UBE2D3: variants seen among roughly 807,000 people sequenced by gnomAD.
The protein encoded by UBE2D3 is ubiquitin-conjugating enzyme E2 D3.
A neutral mutation model predicts 22.8 loss-of-function variants in UBE2D3; 2 were observed. The ratio of observed to expected loss-of-function variants is 0.09; its 90% confidence interval spans 0.04 to 0.28. The LOEUF (loss-of-function observed/expected upper bound fraction) is 0.28. Among genes scored for constraint, UBE2D3 ranks in the 10% least tolerant of loss-of-function variants. UBE2D3 has a pLI of 1.00. For missense variants in UBE2D3, 27 were observed against 182.5 expected, an observed-to-expected ratio of 0.15 and a Z score of 4.91; for synonymous variants, 56 against 60.4, an observed-to-expected ratio of 0.93 and a Z score of 0.34.
At chr4:102,801,595 AAAAC>A (rs770757273) in intron 5 of UBE2D3, 36 bp from the exon 6 acceptor site, 14 of 1,492,560 alleles carry the variant, frequency 9.4e-6, no homozygotes, top group African/African-American at 7.1e-5. Context: ...TATTCAAATA[AAAAC>A]AAACATCTTT....
At chr4:102,854,944 C>G (rs999615139) in intron 1 of UBE2D3, among the ~76,000 whole-genome samples, 4 of 152,200 alleles carry the variant, frequency 2.6e-5, no homozygotes, top group African/African-American at 9.6e-5. Context: ...AAATCACCAG[C>G]AACAGATCAG....
intron 6 of UBE2D3, among the ~76,000 whole-genome samples, chr4:102,800,012 CTAGT>C (rs1725891181): frequency 6.6e-6 from 1 of 152,008 alleles, no homozygotes; most frequent in African/African-American, 2.4e-5. Context: ...CCCAAGAGTA[CTAGT>C]TAAATACAAT....
intron 1 of UBE2D3, among the ~76,000 whole-genome samples, chr4:102,868,204 C>G (rs1157390495): frequency 6.6e-6 from 1 of 151,228 alleles, no homozygotes; most frequent in African/African-American, 2.4e-5. Context: ...TCCCGAGTAG[C>G]TGGGACAGGC....
chr4:102,827,772 C>G, upstream of UBE2D3: 1 of 948,036 alleles, frequency 1.1e-6, no homozygotes. Flanking sequence ...ACCAGGAGGG[C>G]GGGGGAGGGA....
chr4:102,804,677 G>T (rs903335245), intron 4 of UBE2D3, among the ~76,000 whole-genome samples: 2 of 151,968 alleles, frequency 1.3e-5, no homozygotes, highest in Admixed American at 6.5e-5. Context: ...CACTAAAGTT[G>T]TTTTTGTTTT....
At chr4:102,828,743 A>G (rs184699260), upstream of UBE2D3, among the ~76,000 whole-genome samples, 25 of 152,304 alleles carry the variant, frequency 1.6e-4, no homozygotes, top group African/African-American at 6.0e-4. Flanking sequence ...GAAATATCCA[A>G]GTTGGGAGGT....
intron 4 of UBE2D3, among the ~76,000 whole-genome samples, chr4:102,806,171 A>T (rs1238735173): frequency 6.6e-6 from 1 of 152,190 alleles, no homozygotes; most frequent in Non-Finnish European, 1.5e-5. Context: ...ACGGTGCTTT[A>T]TGATCTGGGT....
chr4:102,804,923 G>C (rs924800670), intron 4 of UBE2D3, among the ~76,000 whole-genome samples: 6 of 152,142 alleles, frequency 3.9e-5, no homozygotes, highest in African/African-American at 1.4e-4. Flanking sequence ...GAGTTCCAGT[G>C]ATCCACCCAC....
At chr4:102,817,494 T>C (rs952666503) in intron 2 of UBE2D3, among the ~76,000 whole-genome samples, 3 of 152,172 alleles carry the variant, frequency 2.0e-5, no homozygotes, top group African/African-American at 4.8e-5. Context: ...AGCTTTAGGA[T>C]AGGTGAACTA....
At chr4:102,825,013 G>T (rs188774692) in intron 2 of UBE2D3, among the ~76,000 whole-genome samples, 2 of 152,248 alleles carry the variant, frequency 1.3e-5, no homozygotes, top group Non-Finnish European at 2.9e-5. Flanking sequence ...ACGATGTTAT[G>T]AAGGCCCAAA....
At chr4:102,820,456 C>G (rs557549347) in intron 2 of UBE2D3, among the ~76,000 whole-genome samples, 1 of 152,278 alleles carries the variant, frequency 6.6e-6, no homozygotes, top group East Asian at 1.9e-4. Context: ...GTAGGCACTG[C>G]ACAGTATCTC....
intron 2 of UBE2D3, chr4:102,819,571 A>T (rs1578255531): frequency 2.0e-6 from 2 of 985,232 alleles, no homozygotes; most frequent in East Asian, 2.3e-4. Flanking sequence ...TTAAGTGTCA[A>T]CCCTATTAAA....
At chr4:102,844,791 T>C (rs189248434) in intron 1 of UBE2D3, among the ~76,000 whole-genome samples, 1,810 of 151,702 alleles carry the variant, frequency 0.012, 21 homozygotes, top group African/African-American at 0.036. Context: ...GAGGCCGAGG[T>C]GGGTGGATCA....
Position 102,859,588 on chromosome 4 carries a change from TCTG to T in UBE2D3, c.-129+9124_-129+9126del, listed in dbSNP as rs1330004848. On this transcript the variant is annotated intron_variant, in intron 1 of 7. Coordinates refer to the UBE2D3 transcript ENST00000338145. ...TTTCCTCCCCAGATTTGGGCAGTTT[TCTG>T]CTATTATTTCTTTAAATAAGCAATC... Among the ~76,000 whole-genome samples the T allele has an allele frequency of 9.2e-5, 14 of 152,130 alleles. No homozygotes were observed. In the East Asian group the frequency reaches 2.5e-3, roughly 27 times the overall value.
At chr4:102,816,361 G>A (rs1266009845) in intron 2 of UBE2D3, among the ~76,000 whole-genome samples, 3 of 152,200 alleles carry the variant, frequency 2.0e-5, no homozygotes, top group East Asian at 1.9e-4. Flanking sequence ...TGACAGGCAC[G>A]TGTCATGGAC....
At chr4:102,807,242 T>A (rs1310283663) in intron 4 of UBE2D3, among the ~76,000 whole-genome samples, 1 of 152,176 alleles carries the variant, frequency 6.6e-6, no homozygotes, top group African/African-American at 2.4e-5. Flanking sequence ...GCAACCATAC[T>A]CACAAAATAA....
At chr4:102,833,418 A>G (rs1731220449) in intron 1 of UBE2D3, among the ~76,000 whole-genome samples, 1 of 152,232 alleles carries the variant, frequency 6.6e-6, no homozygotes, top group Non-Finnish European at 1.5e-5. Flanking sequence ...ACAAGATCAT[A>G]AACCTAAATA....
chr4:102,807,257 C>T (rs1578232210), intron 4 of UBE2D3, among the ~76,000 whole-genome samples: 1 of 152,158 alleles, frequency 6.6e-6, no homozygotes, highest in Non-Finnish European at 1.5e-5. Context: ...AAATAAGCTA[C>T]TATTTATCTT....
intron 2 of UBE2D3, among the ~76,000 whole-genome samples, chr4:102,823,919 A>T (rs1224896291): frequency 2.0e-5 from 3 of 152,242 alleles, no homozygotes; most frequent in Non-Finnish European, 1.5e-5. Flanking sequence ...CCTTCAGACA[A>T]GAATAAATTC....
Sources: gnomAD v4.1 joint callset for allele counts (sites outside exome capture counted in the v4.1 genomes callset) on GRCh38, gnomAD v4.1.1 for gene constraint, MANE v1.5 for transcripts, NCBI Gene and HGNC (gene_info 2026-07-23, HGNC 2026-07-21) for gene names.